PLCB1: variants seen among roughly 807,000 people sequenced by gnomAD.
PLCB1 encodes 1-phosphatidylinositol 4,5-bisphosphate phosphodiesterase beta-1.
Under a neutral mutation model 161.8 loss-of-function variants are expected in PLCB1, and 46 were observed. The observed-to-expected ratio is 0.28, with a 90% confidence interval of 0.22 to 0.36. The LOEUF is 0.36. PLCB1 is among the 10% of genes least tolerant of loss of function. The pLI is 1.00. For synonymous variants in PLCB1, 517 were observed against 503.7 expected (o/e 1.03, Z -0.35); for missense variants, 1,016 against 1,472.5 (o/e 0.69, Z 5.07).
intron 3 of PLCB1, among the ~76,000 whole-genome samples, chr20:8,434,524 A>G (rs1198771782): frequency 6.6e-6 from 1 of 152,192 alleles, no homozygotes; most frequent in Non-Finnish European, 1.5e-5. Context: ...TATTCTATCA[A>G]TTACTGTCCC....
chr20:8,197,833 T>G (rs1206532438), intron 2 of PLCB1, among the ~76,000 whole-genome samples: 1 of 152,192 alleles, frequency 6.6e-6, no homozygotes, highest in Non-Finnish European at 1.5e-5. Flanking sequence ...AATTAATTTT[T>G]GTTTAAGGTG....
chr20:8,728,677 C>A (rs1282951174), intron 17 of PLCB1, among the ~76,000 whole-genome samples: 1 of 152,052 alleles, frequency 6.6e-6, no homozygotes, highest in African/African-American at 2.4e-5. Flanking sequence ...CCTTAATACT[C>A]TCCACAAAAT....
At chr20:8,638,749 C>T (rs975415287) in intron 4 of PLCB1, among the ~76,000 whole-genome samples, 1 of 152,084 alleles carries the variant, frequency 6.6e-6, no homozygotes, top group African/African-American at 2.4e-5. Context: ...TTACACCTGT[C>T]ACTGGTCTAA....
At chr20:8,422,872 G>A (rs138445596) in intron 3 of PLCB1, among the ~76,000 whole-genome samples, 7 of 152,234 alleles carry the variant, frequency 4.6e-5, no homozygotes, top group African/African-American at 1.2e-4. Context: ...CAGTGACCCA[G>A]CACATGTGAT....
At chr20:8,748,750 G>A (rs6056059) in intron 23 of PLCB1, among the ~76,000 whole-genome samples, 100,220 of 151,890 alleles carry the variant, frequency 0.66, 33,288 homozygotes, top group East Asian at 0.83. Context: ...AATGTACAGC[G>A]TGAGGACTAT....
At chr20:8,759,847 G>T (rs938634510) in intron 24 of PLCB1, among the ~76,000 whole-genome samples, 2 of 150,196 alleles carry the variant, frequency 1.3e-5, no homozygotes, top group African/African-American at 4.9e-5. Flanking sequence ...TGTTCCAAGT[G>T]GATGTCTTTT....
At chr20:8,308,603 C>T (rs1391155263) in intron 2 of PLCB1, among the ~76,000 whole-genome samples, 2 of 125,796 alleles carry the variant, frequency 1.6e-5, no homozygotes, top group African/African-American at 3.1e-5. Flanking sequence ...GGCAACAGAG[C>T]GAGATTCCGT....
At chr20:8,607,231 C>A (rs1296071885) in intron 3 of PLCB1, among the ~76,000 whole-genome samples, 1 of 152,200 alleles carries the variant, frequency 6.6e-6, no homozygotes, top group East Asian at 1.9e-4. Context: ...ATTAGTCCAA[C>A]CTCCATGAAA....
chr20:8,530,955 TTTTTA>T (rs1251999047), intron 3 of PLCB1, among the ~76,000 whole-genome samples: 1 of 152,100 alleles, frequency 6.6e-6, no homozygotes, highest in Non-Finnish European at 1.5e-5. Context: ...TACTTATGGA[TTTTTA>T]TTTTATTTCA....
chr20:8,626,177 C>CAA (rs71184104), intron 3 of PLCB1, among the ~76,000 whole-genome samples: 39 of 117,462 alleles, frequency 3.3e-4, no homozygotes, highest in Middle Eastern at 4.5e-3. Flanking sequence ...GACTCCATCT[C>CAA]AAAAAAAAAA....
intron 10 of PLCB1, among the ~76,000 whole-genome samples, chr20:8,696,980 G>A (rs943688926): frequency 1.1e-4 from 16 of 152,222 alleles, no homozygotes; most frequent in African/African-American, 3.6e-4. Context: ...TGATCCGCTC[G>A]CCTCAGCCTC....
At chr20:8,666,274 A>G (rs1989810415) in intron 9 of PLCB1, among the ~76,000 whole-genome samples, 1 of 151,876 alleles carries the variant, frequency 6.6e-6, no homozygotes, top group African/African-American at 2.4e-5. Context: ...CATAGGGTCA[A>G]CTCCCAAAAA....
At chr20:8,487,911 C>T (rs1319303109) in intron 3 of PLCB1, among the ~76,000 whole-genome samples, 2 of 152,116 alleles carry the variant, frequency 1.3e-5, no homozygotes, top group Admixed American at 1.3e-4. Flanking sequence ...AGGGGTGGCA[C>T]ACAGGCAATG....
intron 31 of PLCB1, among the ~76,000 whole-genome samples, chr20:8,864,833 T>C (rs1987372375): frequency 6.6e-6 from 1 of 152,196 alleles, no homozygotes; most frequent in South Asian, 2.1e-4. Flanking sequence ...AGGATGCCTA[T>C]GATGCATCAG....
intron 2 of PLCB1, among the ~76,000 whole-genome samples, chr20:8,208,105 C>T (rs1308336482): frequency 6.6e-6 from 1 of 152,062 alleles, no homozygotes; most frequent in Non-Finnish European, 1.5e-5. Context: ...TTGTCAGAAT[C>T]CCAAAGACTA....
chr20:8,151,812 A>G (rs1568570990), intron 2 of PLCB1, among the ~76,000 whole-genome samples: 1 of 152,116 alleles, frequency 6.6e-6, no homozygotes, highest in Non-Finnish European at 1.5e-5. Flanking sequence ...TTGATTTTTC[A>G]ACTTGTAGAT....
chr20:8,261,180 A>G (rs1443094505), intron 2 of PLCB1, among the ~76,000 whole-genome samples: 1 of 152,108 alleles, frequency 6.6e-6, no homozygotes, highest in Non-Finnish European at 1.5e-5. Context: ...CATTTGCACA[A>G]GAATCCCTGT....
intron 2 of PLCB1, among the ~76,000 whole-genome samples, chr20:8,218,818 A>G (rs897332485): frequency 7.9e-5 from 12 of 152,086 alleles, no homozygotes; most frequent in Admixed American, 7.9e-4. Flanking sequence ...ATTCCTGCAC[A>G]AGTTTCAAAT....
At chr20:8,269,574 C>T (rs766540596) in intron 2 of PLCB1, among the ~76,000 whole-genome samples, 11 of 152,100 alleles carry the variant, frequency 7.2e-5, no homozygotes, top group East Asian at 1.9e-4. Flanking sequence ...AAAATGGAGT[C>T]GTAAAGTAAT....
Sources: allele counts gnomAD v4.1 joint callset (sites outside exome capture counted in the v4.1 genomes callset), GRCh38; gene constraint gnomAD v4.1.1; transcripts MANE v1.5; gene names NCBI Gene and HGNC (gene_info 2026-07-23, HGNC 2026-07-21).